The following TTC28 variants were observed in gnomAD, a reference collection of about 807,000 sequenced individuals.
TTC28 encodes the protein tetratricopeptide repeat domain 28.
A neutral mutation model predicts 198.0 loss-of-function variants in TTC28; 61 were observed. The ratio of observed to expected loss-of-function variants is 0.31; its 90% CI spans 0.25 to 0.38. TTC28 has a LOEUF of 0.38. TTC28 is among the 10% of genes least tolerant of loss of function. TTC28 has a pLI of 1.00. For synonymous variants in TTC28, 1,171 were observed against 1,297.8 expected (o/e 0.90, Z 2.10); for missense variants, 2,678 against 3,164.0 (o/e 0.85, Z 3.69).
At chr22:28,315,103 A>G (rs538219495) in intron 2 of TTC28, among the ~76,000 whole-genome samples, 64 of 152,304 alleles carry the variant, frequency 4.2e-4, no homozygotes, top group Non-Finnish European at 8.1e-4. Flanking sequence ...GATAAACACA[A>G]TCATTTGAAG....
intron 3 of TTC28, among the ~76,000 whole-genome samples, chr22:28,305,085 G>C (rs1195816115): frequency 1.3e-5 from 2 of 152,028 alleles, no homozygotes; most frequent in Non-Finnish European, 2.9e-5. Context: ...CCGCCTCCCA[G>C]GTTCAAGCGA....
chr22:28,661,609 A>G (rs2145696580), intron 1 of TTC28, among the ~76,000 whole-genome samples: 1 of 151,074 alleles, frequency 6.6e-6, no homozygotes, highest in South Asian at 2.1e-4. Flanking sequence ...ATAGACAGAT[A>G]GTTTTGTTTT....
chr22:28,391,914 C>T (rs1208302174), intron 2 of TTC28, among the ~76,000 whole-genome samples: 3 of 152,192 alleles, frequency 2.0e-5, no homozygotes, highest in Admixed American at 6.5e-5. Context: ...GGAGGAGAGG[C>T]GCTCTGCTTT....
rs186705871 is a variant in TTC28 at position 28,530,341 on chromosome 22, G to A, written c.381+99211C>T. Among the ~76,000 whole-genome samples the A allele has an allele frequency of 2.9e-3, 448 of 152,262 alleles. 1 individual carries two copies. Among genetic ancestry groups the A allele is most frequent in the Non-Finnish European group, 4.1e-3 (281 of 68,026 alleles). On this transcript the variant is annotated intron_variant, in intron 2 of 22. Coordinates refer to ENST00000397906, the MANE Select transcript of TTC28 (RefSeq NM_001145418.2). ...GAAGATCAAATGAATGAAATGAAGC[G>A]AGAAGACAAGTTTAGAGAAAAAAGA...
Position 27,993,423 on chromosome 22 carries a change from G to T in TTC28, c.5340C>A (p.Gly1780=). ...SVENKVGGIP[G]WQALLTAVGF... is the part of the protein sequence containing the mutation. Reference sequence around the variant, plus strand: ...CCACAGCGGTGAGGAGGGCCTGCCAGCCAGGGATGCCGCCCACTTTGTTCT... The same window carrying T: ...CCACAGCGGTGAGGAGGGCCTGCCATCCAGGGATGCCGCCCACTTTGTTCT... The change falls in exon 18 of 23, where the codon GGC becomes GGA. Residue 1780 remains glycine, a synonymous_variant. Coordinates refer to ENST00000397906, the MANE Select transcript of TTC28 (RefSeq NM_001145418.2). 1 of 1,551,504 alleles carries T rather than the reference G, an allele frequency of 6.4e-7. No homozygotes were observed. The highest frequency in any genetic ancestry group is 1.4e-5 in the African/African-American group (1 of 73,174).
chr22:28,431,429 T>C (rs2047427854), intron 2 of TTC28, among the ~76,000 whole-genome samples: 1 of 152,356 alleles, frequency 6.6e-6, no homozygotes, highest in South Asian at 2.1e-4. Context: ...CAATTTCATA[T>C]TAATGTTTAA....
Position 28,297,658 on chromosome 22 carries a change from T to C in TTC28, c.724A>G (p.Ser242Gly). 6.4e-7 allele frequency: 1 copy of C among 1,551,746 alleles called. No individual in the cohort carries two copies. The highest frequency in any genetic ancestry group is 8.7e-7 in the Non-Finnish European group (1 of 1,147,004). ...LRGSVFSALS[S>G]AYWSLGNTEK... ...GTATTTCCAAGAGACCAGTAAGCAC[T>C]GCTCAGGGCAGAGAAAACAGAACCT... Residue 242 changes from serine to glycine, a missense_variant, in exon 4 of 23, where the codon AGT (serine) becomes GGT (glycine). By Grantham distance (56) the Ser-to-Gly change is moderately conservative. Transcript: ENST00000397906.
At chr22:28,655,595 G>A (rs777131659) in intron 1 of TTC28, among the ~76,000 whole-genome samples, 8 of 152,272 alleles carry the variant, frequency 5.3e-5, no homozygotes, top group Middle Eastern at 3.4e-3. Context: ...TAGGCCGGGC[G>A]TGGTGGCTCA....
chr22:28,075,093 A>C lies in TTC28; in HGVS notation c.3932+18987T>G, dbSNP rs1186190090. Reference sequence around the variant, plus strand: ...ACAGAGAGAGATTCTGTCTCAATAAATAAATAAATAAATAATAAAATAAAA... The same window carrying C: ...ACAGAGAGAGATTCTGTCTCAATAACTAAATAAATAAATAATAAAATAAAA... On this transcript the variant is annotated intron_variant, in intron 12 of 22. Transcript: ENST00000397906. Among the ~76,000 whole-genome samples, 61 of 152,128 alleles carry C rather than the reference A, an allele frequency of 4.0e-4. 2 individuals are homozygous for C. The highest frequency in any genetic ancestry group is 4.0e-3 in the Admixed American group (61 of 15,276).
chr22:28,174,213 C>A (rs1922945632), intron 5 of TTC28, among the ~76,000 whole-genome samples: 1 of 152,186 alleles, frequency 6.6e-6, no homozygotes, highest in African/African-American at 2.4e-5. Context: ...GTTTCCTCAT[C>A]TGTGAAATGG....
At chr22:28,270,325 T>A (rs1396138870) in intron 5 of TTC28, among the ~76,000 whole-genome samples, 2 of 151,960 alleles carry the variant, frequency 1.3e-5, no homozygotes, top group Non-Finnish European at 2.9e-5. Context: ...TATTCAGGGT[T>A]ACATTCATGC....
At chr22:28,199,497 G>C (rs978637601) in intron 5 of TTC28, among the ~76,000 whole-genome samples, 2 of 139,334 alleles carry the variant, frequency 1.4e-5, no homozygotes, top group African/African-American at 2.7e-5. Context: ...AACAGAGCAA[G>C]ACTCTGTCTC....
At chr22:28,365,474 G>T (rs1436918917) in intron 2 of TTC28, among the ~76,000 whole-genome samples, 11 of 152,134 alleles carry the variant, frequency 7.2e-5, no homozygotes, top group Admixed American at 7.2e-4. Flanking sequence ...ACAGAAGCAA[G>T]CTTTGGGAAA....
At chr22:28,062,410 CTTCT>C (rs1171946083) in intron 12 of TTC28, among the ~76,000 whole-genome samples, 4 of 101,678 alleles carry the variant, frequency 3.9e-5, no homozygotes, top group African/African-American at 1.7e-4. Context: ...GTTTTTAACT[CTTCT>C]TTTTTTTTTT....
At chr22:28,037,816 A>G (rs865795195) in intron 12 of TTC28, among the ~76,000 whole-genome samples, 29 of 152,328 alleles carry the variant, frequency 1.9e-4, no homozygotes, top group Middle Eastern at 6.8e-3. Context: ...CAACTTCAGG[A>G]AAGTCTCAGG....
At chr22:28,098,400 C>T (rs1345907436) in intron 10 of TTC28, among the ~76,000 whole-genome samples, 3 of 152,108 alleles carry the variant, frequency 2.0e-5, no homozygotes, top group Non-Finnish European at 2.9e-5. Context: ...CTCTGGCTCC[C>T]GGACCCACCA....
intron 5 of TTC28, among the ~76,000 whole-genome samples, chr22:28,181,231 G>T (rs994505806): frequency 9.2e-5 from 14 of 152,126 alleles, no homozygotes; most frequent in Non-Finnish European, 1.9e-4. Flanking sequence ...ACTATCACAG[G>T]TGATAAATTA....
chr22:28,421,716 G>C (rs978288354), intron 2 of TTC28, among the ~76,000 whole-genome samples: 8 of 152,278 alleles, frequency 5.3e-5, no homozygotes, highest in South Asian at 2.1e-4. Flanking sequence ...GGGAACCCAA[G>C]GCAGGCGGAT....
intron 21 of TTC28, 110 bp downstream of exon 21, chr22:27,989,768 A>G (rs1937333028): frequency 1.5e-6 from 2 of 1,375,132 alleles, no homozygotes; most frequent in Non-Finnish European, 2.0e-6. Context: ...TTTTAAGATA[A>G]TATTTTAAGA....
Sources: gnomAD v4.1 joint callset for allele counts (sites outside exome capture counted in the v4.1 genomes callset) on GRCh38, gnomAD v4.1.1 for gene constraint, MANE v1.5 for transcripts, NCBI Gene and HGNC (gene_info 2026-07-23, HGNC 2026-07-21) for gene names.